Variants in PTPRK observed in about 807,000 individuals in gnomAD.
PTPRK encodes protein tyrosine phosphatase receptor type K, also known as receptor-type tyrosine-protein phosphatase kappa.
Under a neutral mutation model 178.0 loss-of-function variants are expected in PTPRK, and 75 were observed. The ratio of observed to expected loss-of-function variants is 0.42; its 90% CI spans 0.35 to 0.51. The LOEUF (loss-of-function observed/expected upper bound fraction) is 0.51. Ranked by LOEUF, PTPRK falls within the 20% of genes least tolerant of loss-of-function variation. The pLI, the probability that PTPRK is intolerant of heterozygous loss-of-function variation, is 0.02. For synonymous variants in PTPRK, 637 were observed against 620.6 expected, an observed-to-expected ratio of 1.03 and a Z score of -0.39; for missense variants, 1,441 against 1,797.8, an observed-to-expected ratio of 0.80 and a Z score of 3.59.
rs145199420 is a variant in PTPRK, at chr6:128,030,133, T to C, written c.2195-20865A>G. Among the ~76,000 whole-genome samples the C allele has an allele frequency of 2.6e-5, 4 of 152,324 alleles. No homozygotes were observed. The East Asian group carries it at 7.7e-4, about 29-fold the overall frequency. ...CAGTTAGTCATCAGATATGAGCTGA[T>C]AGTGCTGGGAGATGGGCACATAAGG... On this transcript the variant is annotated intron_variant, in intron 13 of 29. Coordinates refer to ENST00000368226, the MANE Select transcript of PTPRK (RefSeq NM_002844.4).
At chr6:128,439,383 A>T (rs1347574827) in intron 1 of PTPRK, among the ~76,000 whole-genome samples, 2 of 152,208 alleles carry the variant, frequency 1.3e-5, no homozygotes, top group African/African-American at 4.8e-5. Context: ...ATTTTTTAAT[A>T]AAATAATTCA....
chr6:128,003,058 G>T, intron 15 of PTPRK: 2 of 738,740 alleles, frequency 2.7e-6, no homozygotes, highest in Admixed American at 2.4e-5. Flanking sequence ...GAACACAGTT[G>T]CTCTCTTTGA....
chr6:128,135,604 T>C (rs535532729), intron 7 of PTPRK, among the ~76,000 whole-genome samples: 1 of 152,302 alleles, frequency 6.6e-6, no homozygotes, highest in East Asian at 1.9e-4. Context: ...CACTGCATTC[T>C]CATGCACTTT....
intron 6 of PTPRK, among the ~76,000 whole-genome samples, chr6:128,199,893 T>C (rs1363517124): frequency 6.6e-6 from 1 of 152,200 alleles, no homozygotes; most frequent in African/African-American, 2.4e-5. Flanking sequence ...ACATGAAGAA[T>C]AGCCATCTGC....
intron 1 of PTPRK, among the ~76,000 whole-genome samples, chr6:128,488,165 C>T (rs1206343469): frequency 6.6e-6 from 1 of 152,158 alleles, no homozygotes; most frequent in Admixed American, 6.5e-5. Flanking sequence ...GTCCAAGAGT[C>T]CAAAAGCTGA....
chr6:128,113,481 A>G (rs1288920742), intron 7 of PTPRK, among the ~76,000 whole-genome samples: 1 of 151,468 alleles, frequency 6.6e-6, no homozygotes, highest in Non-Finnish European at 1.5e-5. Flanking sequence ...AAATATTTGG[A>G]AAAAAATTAA....
intron 13 of PTPRK, among the ~76,000 whole-genome samples, chr6:128,048,177 CAGTT>C (rs1205027550): frequency 6.6e-6 from 1 of 152,110 alleles, no homozygotes. Context: ...TTGCTTAGAC[CAGTT>C]GTTGACCTGA....
intron 2 of PTPRK, among the ~76,000 whole-genome samples, chr6:128,361,176 G>C (rs924191384): frequency 1.3e-5 from 2 of 152,026 alleles, no homozygotes; most frequent in Admixed American, 1.3e-4. Context: ...CTCTATACTT[G>C]GGTAGTCCCT....
At chr6:128,124,714 A>G (rs1417477050) in intron 7 of PTPRK, among the ~76,000 whole-genome samples, 1 of 152,164 alleles carries the variant, frequency 6.6e-6, no homozygotes, top group Non-Finnish European at 1.5e-5. Context: ...TATATGCTTA[A>G]TCATTTTGCC....
At chr6:128,338,881 A>AAAC (rs56916080) in intron 2 of PTPRK, among the ~76,000 whole-genome samples, 147,941 of 152,162 alleles carry the variant, frequency 0.97, 72,041 homozygotes, top group East Asian at 1. Context: ...CCGTAAACAA[A>AAAC]AACAAATACT....
intron 5 of PTPRK, among the ~76,000 whole-genome samples, chr6:128,229,140 T>C (rs564881365): frequency 7.9e-6 from 1 of 126,054 alleles, no homozygotes; most frequent in East Asian, 4.5e-4. Context: ...ATTAAAAACA[T>C]AGTTACATTT....
At chr6:128,036,628 A>G (rs1005936148) in intron 13 of PTPRK, among the ~76,000 whole-genome samples, 4 of 152,232 alleles carry the variant, frequency 2.6e-5, no homozygotes, top group South Asian at 4.1e-4. Flanking sequence ...ATAAATAAAG[A>G]AAATAAAGAG....
chr6:128,401,063 T>C (rs1415867339), intron 1 of PTPRK, among the ~76,000 whole-genome samples: 3 of 152,156 alleles, frequency 2.0e-5, no homozygotes, highest in Non-Finnish European at 4.4e-5. Flanking sequence ...TCCTTGACCT[T>C]TGGAGGAAAA....
At chr6:127,993,854 G>A (rs1776865785) in intron 18 of PTPRK, among the ~76,000 whole-genome samples, 4 of 151,352 alleles carry the variant, frequency 2.6e-5, no homozygotes. Flanking sequence ...AATACACTGG[G>A]GTCTTAACAG....
At chr6:128,236,892 T>C (rs1412905831) in intron 5 of PTPRK, among the ~76,000 whole-genome samples, 1 of 152,216 alleles carries the variant, frequency 6.6e-6, no homozygotes, top group African/African-American at 2.4e-5. Context: ...CTTTCAGAAC[T>C]ACCATGATAT....
rs145010701 is a variant in PTPRK at position 128,452,320 on chromosome 6, A to G, written c.101-54632T>C. On this transcript the variant is annotated intron_variant, in intron 1 of 29. Transcript: ENST00000368226. The stretch of plus-strand genomic sequence containing the variant: ...CCTCTCTTCTTTTCACTTAAAATAT[A>G]CACAAGTGCATTTGGTACTTTTTCC... Among the ~76,000 whole-genome samples, 345 of 152,282 alleles carry G rather than the reference A, an allele frequency of 2.3e-3. 3 individuals are homozygous for G. Among genetic ancestry groups the G allele is most frequent in the African/African-American group, 7.7e-3 (319 of 41,570 alleles).
At chr6:128,197,310 G>A (rs895345823) in intron 6 of PTPRK, among the ~76,000 whole-genome samples, 1 of 151,294 alleles carries the variant, frequency 6.6e-6, no homozygotes, top group African/African-American at 2.4e-5. Flanking sequence ...TGTCATCTGG[G>A]TTTTAAGCCC....
rs150315713 is a variant in PTPRK, at chr6:128,424,998, T to C, written c.101-27310A>G. On this transcript the variant is annotated intron_variant, in intron 1 of 29. Coordinates refer to ENST00000368226, the MANE Select transcript of PTPRK (RefSeq NM_002844.4). ...GGGGAATAGGTGGTGTTTGATTACA[T>C]GAATAAGTTCTTTAGCGGTGATTTT... Among the ~76,000 whole-genome samples, 23 of 152,086 alleles carry C rather than the reference T, an allele frequency of 1.5e-4. No individual in the cohort carries two copies. The East Asian group carries it at 4.1e-3, about 27-fold the overall frequency.
intron 1 of PTPRK, among the ~76,000 whole-genome samples, chr6:128,511,765 G>A (rs982160519): frequency 1.4e-4 from 21 of 152,222 alleles, no homozygotes; most frequent in African/African-American, 4.6e-4. Flanking sequence ...ATTCATTAAC[G>A]AATCTTGACT....
Sources: gnomAD v4.1 joint callset for allele counts (sites outside exome capture counted in the v4.1 genomes callset) on GRCh38, gnomAD v4.1.1 for gene constraint, MANE v1.5 for transcripts, NCBI Gene and HGNC (gene_info 2026-07-23, HGNC 2026-07-21) for gene names.